Variants in SMYD3 observed in about 807,000 individuals in gnomAD.
SMYD3 encodes histone-lysine N-methyltransferase SMYD3.
Under a neutral mutation model 57.7 loss-of-function variants are expected in SMYD3, and 36 were observed. That is an observed-to-expected ratio of 0.62 (90% CI 0.48 to 0.82). SMYD3 has a LOEUF of 0.82. Ranked by LOEUF, SMYD3 falls within the 40% of genes least tolerant of loss-of-function variation. The pLI is 0.00. For missense variants in SMYD3, 515 were observed against 538.8 expected (o/e 0.96, Z 0.44); for synonymous variants, 211 against 195.0 (o/e 1.08, Z -0.68).
chr1:246,298,218 C>T (rs946197196), intron 5 of SMYD3, among the ~76,000 whole-genome samples: 4 of 146,304 alleles, frequency 2.7e-5, no homozygotes, highest in African/African-American at 1.1e-4. Context: ...AGCAAGAGCA[C>T]ACTGAGGTAA....
intron 8 of SMYD3, among the ~76,000 whole-genome samples, chr1:245,897,721 C>G (rs530934176): frequency 1.3e-5 from 2 of 152,058 alleles, no homozygotes; most frequent in East Asian, 1.9e-4. Flanking sequence ...ATGTTGAAAC[C>G]CCATCTCTAC....
Position 246,502,293 on chromosome 1 carries a change from G to C in SMYD3, c.164+4761C>G, listed in dbSNP as rs144391279. Reference sequence around the variant, plus strand: ...AGCTGGGACTACAGGCATGCACCCAGGTAATTATTTGTATTTTTAGTAGAG... The same window carrying C: ...AGCTGGGACTACAGGCATGCACCCACGTAATTATTTGTATTTTTAGTAGAG... On this transcript the variant is annotated intron_variant, in intron 1 of 11. Coordinates refer to ENST00000490107, the MANE Select transcript of SMYD3 (RefSeq NM_001167740.2). 1.4e-4 allele frequency among the ~76,000 whole-genome samples: 22 copies of C among 151,932 alleles called. No individual in the cohort carries two copies. The East Asian group carries it at 4.1e-3, about 28-fold the overall frequency.
intron 5 of SMYD3, among the ~76,000 whole-genome samples, chr1:246,219,204 T>G (rs1328479825): frequency 6.6e-6 from 1 of 152,102 alleles, no homozygotes; most frequent in African/African-American, 2.4e-5. Flanking sequence ...GCTTGAATGC[T>G]GCCTTTTCCA....
At chr1:246,028,452 G>T (rs1209479477) in intron 5 of SMYD3, among the ~76,000 whole-genome samples, 1 of 152,030 alleles carries the variant, frequency 6.6e-6, no homozygotes, top group African/African-American at 2.4e-5. Context: ...AGTGAAAAAA[G>T]AAATTAGAAA....
At chr1:246,439,153 G>A (rs2067426855) in intron 1 of SMYD3, among the ~76,000 whole-genome samples, 1 of 150,652 alleles carries the variant, frequency 6.6e-6, no homozygotes, top group Non-Finnish European at 1.5e-5. Flanking sequence ...TAAGAGACAA[G>A]GTCTTGCTAT....
At chr1:246,446,966 T>C (rs1290161770) in intron 1 of SMYD3, among the ~76,000 whole-genome samples, 1 of 151,168 alleles carries the variant, frequency 6.6e-6, no homozygotes, top group Non-Finnish European at 1.5e-5. Context: ...GAGGCGAAGG[T>C]TGCAGTGAGC....
At chr1:245,921,946 T>A (rs1460929836) in intron 7 of SMYD3, among the ~76,000 whole-genome samples, 1 of 152,102 alleles carries the variant, frequency 6.6e-6, no homozygotes, top group Non-Finnish European at 1.5e-5. Context: ...AATATACCCA[T>A]GCAACACAGC....
intron 5 of SMYD3, among the ~76,000 whole-genome samples, chr1:246,067,188 G>C (rs562551152): frequency 1.4e-4 from 21 of 152,294 alleles, no homozygotes; most frequent in African/African-American, 5.1e-4. Flanking sequence ...ATAAAATCAA[G>C]TAAATATTGT....
At chr1:246,097,412 C>T (rs2060935284) in intron 5 of SMYD3, among the ~76,000 whole-genome samples, 1 of 152,032 alleles carries the variant, frequency 6.6e-6, no homozygotes. Context: ...AGACAAGGTT[C>T]CAGGAGAGAG....
intron 10 of SMYD3, among the ~76,000 whole-genome samples, chr1:245,817,313 C>G (rs1305304187): frequency 6.9e-6 from 1 of 144,412 alleles, no homozygotes; most frequent in Non-Finnish European, 1.5e-5. Flanking sequence ...GCAGGGTATT[C>G]CAACAGCCCT....
rs2065711893 is a variant in SMYD3, at chr1:246,346,194, G to A, written c.228+8837C>T. Among the ~76,000 whole-genome samples, 3 of 152,134 alleles carry A rather than the reference G, an allele frequency of 2.0e-5. No individual in the cohort carries two copies. The South Asian group carries it at 6.2e-4, about 32-fold the overall frequency. ...AGCTCCTCGGGAGGCTGAGGCAGGA[G>A]AATGGCGTGAATCCGGGAGGCGGAG... On this transcript the variant is annotated intron_variant, in intron 2 of 11. Transcript: ENST00000490107.
At position 246,355,001 on chromosome 1, in the gene SMYD3, C is replaced by A. The variant is rs765529042; in HGVS notation, c.228+30G>T. The A allele has an allele frequency of 1.2e-6, 2 of 1,606,418 alleles. No individual in the cohort carries two copies. Among genetic ancestry groups the A allele is most frequent in the South Asian group, 2.2e-5 (2 of 90,626 alleles). ...AATTTAAGAGTAAAGAATTTGAAAG[C>A]TTCACTTATATATGGCTGAAAAGTC... is the stretch of plus-strand genomic sequence containing the variant. On this transcript the variant is annotated intron_variant, in intron 2 of 11. Coordinates refer to ENST00000490107, the MANE Select transcript of SMYD3 (RefSeq NM_001167740.2). This position sits in a 1 kb window ranked among gnomAD's most constrained non-coding sequence, Gnocchi z 5.0.
intron 5 of SMYD3, among the ~76,000 whole-genome samples, chr1:246,289,220 A>G (rs1280367152): frequency 1.3e-5 from 2 of 152,228 alleles, no homozygotes; most frequent in Non-Finnish European, 2.9e-5. Flanking sequence ...ATTACTCTAG[A>G]GCACTGTTTC....
chr1:246,260,150 G>C (rs7538366), intron 5 of SMYD3, among the ~76,000 whole-genome samples: 6,522 of 152,220 alleles, frequency 0.043, 479 homozygotes, highest in African/African-American at 0.15. Flanking sequence ...ACTGACCCAA[G>C]TAAGCTTGTG....
intron 5 of SMYD3, among the ~76,000 whole-genome samples, chr1:246,074,432 T>G (rs1435520975): frequency 1.3e-5 from 2 of 150,142 alleles, no homozygotes; most frequent in Non-Finnish European, 3.0e-5. Context: ...CTGGTAATAA[T>G]AAGGCAGCTC....
intron 1 of SMYD3, among the ~76,000 whole-genome samples, chr1:246,451,725 T>C (rs971575697): frequency 2.6e-5 from 4 of 152,376 alleles, no homozygotes; most frequent in African/African-American, 9.6e-5. Context: ...GCTGTGCATG[T>C]GTAGAGGAAG....
chr1:245,775,208 C>T (rs1241464114), intron 10 of SMYD3, among the ~76,000 whole-genome samples: 12 of 152,144 alleles, frequency 7.9e-5, no homozygotes, highest in Admixed American at 2.6e-4. Flanking sequence ...CCGCCCTGTC[C>T]GGGAGGTGTA....
intron 5 of SMYD3, among the ~76,000 whole-genome samples, chr1:246,111,874 G>C (rs1051117291): frequency 1.3e-5 from 2 of 152,208 alleles, no homozygotes; most frequent in African/African-American, 4.8e-5. Context: ...GACTTCAAGA[G>C]CTTCTTATTA....
rs2066313173 is a variant in SMYD3, at chr1:246,378,305, T to C, written c.165-23211A>G. 2.0e-5 allele frequency among the ~76,000 whole-genome samples: 3 copies of C among 152,172 alleles called. 1 individual carries two copies. The highest frequency in any genetic ancestry group is 4.4e-5 in the Non-Finnish European group (3 of 68,038). On this transcript the variant is annotated intron_variant, in intron 1 of 11. Transcript: ENST00000490107. ...GTGTAAACTTGATTGGATTGAAGGA[T>C]TGATCCTGGGTGTGTCTGTGAGGGT...
Sources: allele counts gnomAD v4.1 joint callset (sites outside exome capture counted in the v4.1 genomes callset), GRCh38; gene constraint gnomAD v4.1.1; non-coding constraint Gnocchi (gnomAD v3.1); transcripts MANE v1.5; gene names NCBI Gene and HGNC (gene_info 2026-07-23, HGNC 2026-07-21).